The following PRKCI variants were observed in gnomAD, a reference collection of about 807,000 sequenced individuals.
The protein encoded by PRKCI is protein kinase C iota type.
A neutral mutation model predicts 84.0 loss-of-function variants in PRKCI; 43 were observed. That is an observed-to-expected ratio of 0.51 (90% CI 0.40 to 0.66). PRKCI has a LOEUF of 0.66. PRKCI is among the 30% of genes least tolerant of loss of function. PRKCI has a pLI of 0.00. For missense variants in PRKCI, 459 were observed against 745.6 expected (o/e 0.62, Z 4.48); for synonymous variants, 216 against 234.4 (o/e 0.92, Z 0.72).
intron 11 of PRKCI, 55 bp from the exon 12 acceptor site, chr3:170,284,406 A>G: frequency 7.2e-7 from 1 of 1,394,728 alleles, no homozygotes; most frequent in South Asian, 1.4e-5. Context: ...TCCAGTTGTA[A>G]ATGTAGAACT....
chr3:170,269,386 G>T (rs182320021), intron 5 of PRKCI, among the ~76,000 whole-genome samples: 2 of 152,308 alleles, frequency 1.3e-5, no homozygotes, highest in East Asian at 3.9e-4. Flanking sequence ...TTGAGGCTGG[G>T]TGCAATGGCA....
At chr3:170,270,598 A>G (rs1409340417) in intron 6 of PRKCI, 37 bp downstream of exon 6, 108 of 1,265,648 alleles carry the variant, frequency 8.5e-5, no homozygotes, top group Non-Finnish European at 1.1e-4. Flanking sequence ...TTTTTTTTTA[A>G]GAGCGTGCTT....
chr3:170,226,251 T>C (rs1413052820), intron 1 of PRKCI, among the ~76,000 whole-genome samples: 1 of 152,208 alleles, frequency 6.6e-6, no homozygotes, highest in African/African-American at 2.4e-5. Context: ...TTAATAGCAC[T>C]GAAAATTCAA....
chr3:170,247,096 C>CAA (rs1282366228), intron 2 of PRKCI, among the ~76,000 whole-genome samples: 14 of 152,050 alleles, frequency 9.2e-5, no homozygotes, highest in African/African-American at 3.4e-4. Context: ...GTTTTGGAGA[C>CAA]AGAGTCTTTG....
chr3:170,299,057 C>T lies in PRKCI; in HGVS notation c.1650C>T (p.Asp550=), dbSNP rs780549321. The T allele has an allele frequency of 6.2e-7, 1 of 1,613,390 alleles. No individual in the cohort carries two copies. Among genetic ancestry groups the T allele is most frequent in the East Asian group, 2.2e-5 (1 of 44,852 alleles). The change falls in exon 17 of 18, where the codon GAC becomes GAT. Residue 550 remains aspartate, a synonymous_variant. Coordinates refer to ENST00000295797, the MANE Select transcript of PRKCI (RefSeq NM_002740.6). ...ATATTTCTGGGGAATTTGGTTTGGA[C>T]AACTTTGATTCTCAGTTTACTAATG... ...KPNISGEFGL[D]NFDSQFTNEP... is the part of the protein sequence containing the mutation.
At chr3:170,289,591 T>C (rs941192803) in intron 12 of PRKCI, among the ~76,000 whole-genome samples, 5 of 151,956 alleles carry the variant, frequency 3.3e-5, no homozygotes, top group African/African-American at 1.2e-4. Context: ...CTGGCCAACA[T>C]GGCAAAACCC....
At chr3:170,245,949 G>GTTTTTTTTTTTTTTTTTT (rs112482352) in intron 2 of PRKCI, among the ~76,000 whole-genome samples, 5 of 82,454 alleles carry the variant, frequency 6.1e-5, no homozygotes, top group African/African-American at 2.0e-4. Flanking sequence ...TTATGTCTTT[G>GTTTTTTTTTTTTTTTTTT]TTTTTTTTTT....
intron 2 of PRKCI, among the ~76,000 whole-genome samples, chr3:170,254,819 T>A (rs1197212412): frequency 6.6e-6 from 1 of 152,158 alleles, no homozygotes; most frequent in Non-Finnish European, 1.5e-5. Flanking sequence ...CTTTTGTGGT[T>A]CCATATAAAT....
At chr3:170,273,395 C>A in intron 7 of PRKCI, 55 bp downstream of exon 7, 1 of 1,523,754 alleles carries the variant, frequency 6.6e-7, no homozygotes, top group Non-Finnish European at 9.1e-7. Context: ...CATGTAAAGA[C>A]TTACTTAGGT....
intron 6 of PRKCI, among the ~76,000 whole-genome samples, chr3:170,273,070 T>G (rs183497824): frequency 2.0e-5 from 3 of 152,326 alleles, no homozygotes; most frequent in Non-Finnish European, 4.4e-5. Flanking sequence ...GGTCTGAAAT[T>G]AGTTTTGTAT....
intron 4 of PRKCI, among the ~76,000 whole-genome samples, chr3:170,267,439 C>T (rs948941475): frequency 8.6e-5 from 13 of 151,658 alleles, no homozygotes; most frequent in African/African-American, 2.2e-4. Flanking sequence ...TATGGGAGGC[C>T]GAGGCGGGCG....
At chr3:170,273,890 G>C (rs1734054721) in intron 7 of PRKCI, among the ~76,000 whole-genome samples, 2 of 151,574 alleles carry the variant, frequency 1.3e-5, no homozygotes. Flanking sequence ...TCATCACTTT[G>C]GGAGGTCGAG....
At position 170,273,319 on chromosome 3, in the gene PRKCI, C is replaced by A. The variant is rs758015497; in HGVS notation, c.625C>A (p.His209Asn). Residue 209 changes from histidine (H) to asparagine (N), a missense_variant, in exon 7 of 18, where the codon CAT (histidine) becomes AAT (asparagine). His to Asn is a moderately conservative substitution (Grantham distance 68). This residue lies in a region of PRKCI where 250 missense variants were observed against 319.7 expected (regional missense o/e 0.78). Transcript: ENST00000295797. ...GATGCCCATGGATCAGTCATCCATG[C>A]ATTCTGACCATGCACAGACAGGTAA... ...PVMPMDQSSM[H>N]SDHAQTVIPY... The A allele has an allele frequency of 1.9e-6, 3 of 1,613,600 alleles. No homozygotes were observed. Among genetic ancestry groups the A allele is most frequent in the Non-Finnish European group, 1.7e-6 (2 of 1,179,732 alleles).
rs149745206 is a variant in PRKCI, at chr3:170,296,663, A to T, written c.1498-641A>T. 5.3e-3 allele frequency among the ~76,000 whole-genome samples: 808 copies of T among 152,342 alleles called. 8 individuals carry two copies. Among genetic ancestry groups the T allele is most frequent in the African/African-American group, 0.019 (784 of 41,574 alleles). On this transcript the variant is annotated intron_variant, in intron 15 of 17. Transcript: ENST00000295797. ...ATAAAATAAGAAATTGAAGCCTTTTAAAAAATGAACAATTTATGTGAGGAA... is the reference window on the plus strand; with the variant it reads ...ATAAAATAAGAAATTGAAGCCTTTTTAAAAATGAACAATTTATGTGAGGAA...
chr3:170,245,127 G>T (rs1733240386), intron 2 of PRKCI, among the ~76,000 whole-genome samples: 1 of 152,090 alleles, frequency 6.6e-6, no homozygotes, highest in South Asian at 2.1e-4. Flanking sequence ...CTGACTTTGG[G>T]AGAAGTCAGT....
At chr3:170,243,332 G>A (rs1361185531) in intron 2 of PRKCI, among the ~76,000 whole-genome samples, 1 of 152,094 alleles carries the variant, frequency 6.6e-6, no homozygotes, top group Non-Finnish European at 1.5e-5. Flanking sequence ...TTTTTGGTGG[G>A]ATGTGTGTAT....
intron 2 of PRKCI, among the ~76,000 whole-genome samples, chr3:170,253,054 A>C (rs552120627): frequency 1.3e-5 from 2 of 152,214 alleles, no homozygotes; most frequent in African/African-American, 4.8e-5. Flanking sequence ...ACAGGATCTC[A>C]TTCTTTTTTG....
In PRKCI at chr3:170,248,459, C is replaced by T. The variant is rs75404158; in HGVS notation, c.224-11510C>T. On this transcript the variant is annotated intron_variant, in intron 2 of 17. Coordinates refer to ENST00000295797, the MANE Select transcript of PRKCI (RefSeq NM_002740.6). ...GAACAATTCTCACTCTGGATGTATT[C>T]CTGCTCTAGGATGTGAATTTAGACT... Among the ~76,000 whole-genome samples, 1,088 of 152,200 alleles carry T rather than the reference C, an allele frequency of 7.1e-3. 14 individuals carry two copies. Among genetic ancestry groups the T allele is most frequent in the African/African-American group, 0.025 (1,022 of 41,522 alleles).
intron 17 of PRKCI, 62 bp downstream of exon 17, chr3:170,299,172 C>G (rs965784013): frequency 2.3e-6 from 2 of 879,790 alleles, no homozygotes; most frequent in African/African-American, 3.5e-5. Context: ...TTTTTAGTGA[C>G]TATGCAATGT....
Sources: gnomAD v4.1 joint callset for allele counts (sites outside exome capture counted in the v4.1 genomes callset) on GRCh38, gnomAD v4.1.1 for gene constraint, gnomAD v4.1.1 regional missense constraint, MANE v1.5 for transcripts, NCBI Gene and HGNC (gene_info 2026-07-23, HGNC 2026-07-21) for gene names.